SUSD1: variants seen among roughly 807,000 people sequenced by gnomAD.
SUSD1 encodes the protein sushi domain-containing protein 1.
Under a neutral mutation model 86.9 loss-of-function variants are expected in SUSD1, and 65 were observed. That is an observed-to-expected ratio of 0.75 (90% CI 0.61 to 0.92). SUSD1 has a LOEUF of 0.92. Ranked by LOEUF, SUSD1 falls within the 40% of genes least tolerant of loss-of-function variation. The probability of loss-of-function intolerance (pLI) is 0.00; values close to 1 mark genes in which losing one functional copy is unlikely to be tolerated. For synonymous variants in SUSD1, 346 were observed against 350.0 expected, an observed-to-expected ratio of 0.99 and a Z score of 0.13; for missense variants, 850 against 929.7, an observed-to-expected ratio of 0.91 and a Z score of 1.11.
chr9:112,143,269 C>G (rs758929401), intron 4 of SUSD1, among the ~76,000 whole-genome samples: 1 of 151,878 alleles, frequency 6.6e-6, no homozygotes, highest in Non-Finnish European at 1.5e-5. Flanking sequence ...TACAGAGCTA[C>G]TGCTCCTGGC....
intron 2 of SUSD1, among the ~76,000 whole-genome samples, chr9:112,155,950 T>G (rs1589739249): frequency 1.1e-4 from 13 of 116,170 alleles, no homozygotes; most frequent in East Asian, 2.4e-4. Flanking sequence ...GGAGGAAGGA[T>G]GGAAGGAAGG....
chr9:112,164,491 A>C (rs1833695883), intron 1 of SUSD1, among the ~76,000 whole-genome samples: 2 of 151,696 alleles, frequency 1.3e-5, no homozygotes, highest in African/African-American at 2.4e-5. Context: ...AAGTTACGTA[A>C]GCTATGATCA....
chr9:112,091,838 T>C (rs1376810073), intron 10 of SUSD1, among the ~76,000 whole-genome samples: 2 of 152,224 alleles, frequency 1.3e-5, no homozygotes, highest in Admixed American at 1.3e-4. Flanking sequence ...TTGAAATTTT[T>C]CTTTAGACAA....
intron 2 of SUSD1, among the ~76,000 whole-genome samples, chr9:112,156,180 C>T (rs1044873549): frequency 6.6e-6 from 1 of 150,580 alleles, no homozygotes; most frequent in Non-Finnish European, 1.5e-5. Flanking sequence ...AAAAAACTCA[C>T]TGGCCGGGCG....
intron 5 of SUSD1, among the ~76,000 whole-genome samples, chr9:112,134,582 C>A (rs192577083): frequency 7.2e-5 from 11 of 151,836 alleles, no homozygotes; most frequent in Middle Eastern, 3.2e-3. Context: ...AAGATGAGAA[C>A]GACAGACATA....
In SUSD1 at chr9:112,098,498, C is replaced by G. The variant is rs1830490734; in HGVS notation, c.1446G>C (p.Val482=). The change falls in exon 10 of 17, where the codon GTG becomes GTC. Residue 482 remains valine, a synonymous_variant. Coordinates refer to ENST00000374270, the MANE Select transcript of SUSD1 (RefSeq NM_022486.5). ...TLLRSPKRHS[V]QITIATPPAV... ...CTGGGGGAGTTGCTATTGTTATTTGCACTGAGTGCCGCTTAGGAGATCTCA... is the reference window on the plus strand; with the variant it reads ...CTGGGGGAGTTGCTATTGTTATTTGGACTGAGTGCCGCTTAGGAGATCTCA... The G allele has an allele frequency of 6.2e-7, 1 of 1,614,130 alleles. No individual in the cohort carries two copies. The highest frequency in any genetic ancestry group is 1.1e-5 in the South Asian group (1 of 91,082).
intron 2 of SUSD1, among the ~76,000 whole-genome samples, chr9:112,154,560 T>C (rs1833211838): frequency 6.6e-6 from 1 of 152,012 alleles, no homozygotes; most frequent in South Asian, 2.1e-4. Flanking sequence ...GAGATCTGCA[T>C]AAGAGCTTAG....
At chr9:112,051,664 C>G (rs1828219598) in intron 15 of SUSD1, among the ~76,000 whole-genome samples, 2 of 152,050 alleles carry the variant, frequency 1.3e-5, no homozygotes, top group Non-Finnish European at 2.9e-5. Context: ...CTCCCAACCT[C>G]AGGTGATTCA....
At chr9:112,081,068 C>A (rs979945841) in intron 10 of SUSD1, among the ~76,000 whole-genome samples, 2 of 152,072 alleles carry the variant, frequency 1.3e-5, no homozygotes, top group Admixed American at 6.5e-5. Context: ...GGAGGTACAC[C>A]CATCCAAGTA....
intron 15 of SUSD1, among the ~76,000 whole-genome samples, chr9:112,049,863 A>C (rs1214505329): frequency 6.6e-6 from 1 of 152,216 alleles, no homozygotes; most frequent in Non-Finnish European, 1.5e-5. Flanking sequence ...ACTCTCCTTC[A>C]ATATTGGTTC....
intron 12 of SUSD1, among the ~76,000 whole-genome samples, chr9:112,070,639 C>A (rs2762496): frequency 0.14 from 20,882 of 152,122 alleles, 1,543 homozygotes; most frequent in East Asian, 0.23. Context: ...AGGAATATCC[C>A]TCCTCTGCTA....
At chr9:112,169,422 A>G (rs1378335542) in intron 1 of SUSD1, 3 of 151,928 alleles carry the variant, frequency 2.0e-5, no homozygotes, top group Non-Finnish European at 2.9e-5. Flanking sequence ...AAAACAAACA[A>G]CAAAAAAAGA....
At chr9:112,106,250 G>A (rs1185670428) in intron 8 of SUSD1, among the ~76,000 whole-genome samples, 1 of 152,054 alleles carries the variant, frequency 6.6e-6, no homozygotes, top group Non-Finnish European at 1.5e-5. Context: ...AGGGATTACA[G>A]GCATGAGCCA....
intron 6 of SUSD1, among the ~76,000 whole-genome samples, chr9:112,115,398 G>A (rs1239112895): frequency 1.3e-5 from 2 of 152,168 alleles, no homozygotes; most frequent in Non-Finnish European, 2.9e-5. Context: ...GGAAAAATAG[G>A]CAAACTCCTG....
chr9:112,138,248 TATATATATGTGTATATAC>T (rs1564328871), intron 5 of SUSD1, among the ~76,000 whole-genome samples: 1 of 116,132 alleles, frequency 8.6e-6, no homozygotes, highest in African/African-American at 3.6e-5. Flanking sequence ...TATATATATA[TATATATATGTGTATATAC>T]ATATATATAT....
At chr9:112,084,933 C>T (rs1829914278) in intron 10 of SUSD1, among the ~76,000 whole-genome samples, 1 of 152,184 alleles carries the variant, frequency 6.6e-6, no homozygotes, top group African/African-American at 2.4e-5. Context: ...GGGCAAGCGA[C>T]TCTTGGCAAA....
chr9:112,060,310 G>C (rs1159140253), intron 13 of SUSD1, among the ~76,000 whole-genome samples: 1 of 152,130 alleles, frequency 6.6e-6, no homozygotes, highest in Admixed American at 6.5e-5. Flanking sequence ...TGCCCAGGCT[G>C]GAGTGCAGTG....
chr9:112,172,701 T>C (rs777279399), intron 1 of SUSD1, among the ~76,000 whole-genome samples: 18 of 152,204 alleles, frequency 1.2e-4, no homozygotes, highest in Non-Finnish European at 5.9e-5. Flanking sequence ...TGCACCTTCA[T>C]ATCTGTTATT....
chr9:112,157,457 T>C lies in SUSD1; in HGVS notation c.217+43A>G, dbSNP rs778909245. 2.2e-6 allele frequency: 3 copies of C among 1,386,130 alleles called. No individual in the cohort carries two copies. The Admixed American group carries it at 5.4e-5, about 25-fold the overall frequency. 85.9% of individuals were successfully genotyped at this position (1,386,130 alleles called of 1,614,324 possible). A position where few individuals can be genotyped will look rare whatever the true frequency, so the allele number is the denominator to read the frequency against. On this transcript the variant is annotated intron_variant, in intron 2 of 16. Transcript: ENST00000374270. The stretch of plus-strand genomic sequence containing the variant: ...CTCTTTAATACAAGAGAATCTTGTT[T>C]CTCGATTCAGCTTTTCAACTTAACC...
Sources: allele counts gnomAD v4.1 joint callset (sites outside exome capture counted in the v4.1 genomes callset), GRCh38; gene constraint gnomAD v4.1.1; transcripts MANE v1.5; gene names NCBI Gene and HGNC (gene_info 2026-07-23, HGNC 2026-07-21).